The following ADAMTS20 variants were observed in gnomAD, a reference collection of about 807,000 sequenced individuals.
The protein encoded by ADAMTS20 is A disintegrin and metalloproteinase with thrombospondin motifs 20.
Under a neutral mutation model 260.1 loss-of-function variants are expected in ADAMTS20, and 225 were observed. That is an observed-to-expected ratio of 0.87 (90% CI 0.78 to 0.97). The LOEUF (loss-of-function observed/expected upper bound fraction) is 0.97. Ranked by LOEUF, ADAMTS20 falls within the 50% of genes least tolerant of loss-of-function variation. ADAMTS20 has a pLI of 0.00. For missense variants in ADAMTS20, 2,400 were observed against 2,337.7 expected (o/e 1.03, Z -0.55); for synonymous variants, 802 against 769.5 (o/e 1.04, Z -0.70).
chr12:43,463,146 G>T, intron 10 of ADAMTS20, 147 bp from the exon 11 acceptor site: 4 of 461,846 alleles, frequency 8.7e-6, no homozygotes, highest in Non-Finnish European at 1.5e-5. Context: ...TTTTTACTAA[G>T]TTCTAGTCAT....
At chr12:43,432,182 TAA>T in intron 21 of ADAMTS20, 120 bp downstream of exon 21, 1 of 1,133,698 alleles carries the variant, frequency 8.8e-7, no homozygotes, top group Non-Finnish European at 1.2e-6. Flanking sequence ...ACAGCTTTGA[TAA>T]TAGTTATTTA....
At chr12:43,420,771 CTCTTCT>C (rs76391484) in intron 28 of ADAMTS20, among the ~76,000 whole-genome samples, 2 of 142,292 alleles carry the variant, frequency 1.4e-5, no homozygotes, top group East Asian at 2.1e-4. Context: ...CTTCTTCTTC[CTCTTCT>C]TCTTCTTCTC....
intron 28 of ADAMTS20, among the ~76,000 whole-genome samples, chr12:43,408,058 T>G (rs542916732): frequency 6.6e-6 from 1 of 152,184 alleles, no homozygotes; most frequent in African/African-American, 2.4e-5. Flanking sequence ...TAGGGTGACA[T>G]GGAGAAAAAT....
At chr12:43,516,853 G>A (rs1004485665) in intron 3 of ADAMTS20, among the ~76,000 whole-genome samples, 3 of 151,776 alleles carry the variant, frequency 2.0e-5, no homozygotes, top group Non-Finnish European at 4.4e-5. Context: ...AAATTCTAAA[G>A]ATAACATTAT....
chr12:43,399,253 G>A lies in ADAMTS20; in HGVS notation c.4285-20C>T. ...TGAGCACTAGAAAAGAAATATGAAT[G>A]CACTTGATTCATTTTCTTCTTGATT... On this transcript the variant is annotated intron_variant, in intron 28 of 38. Coordinates refer to ENST00000389420, the MANE Select transcript of ADAMTS20 (RefSeq NM_025003.5). 2 of 1,434,842 alleles carry A rather than the reference G, an allele frequency of 1.4e-6. No individual in the cohort carries two copies. The allele number at this position is 1,434,842 out of a possible 1,614,324, so 88.9% of individuals were successfully genotyped here.
At chr12:43,416,923 A>T (rs1017127480) in intron 28 of ADAMTS20, among the ~76,000 whole-genome samples, 13 of 152,144 alleles carry the variant, frequency 8.5e-5, no homozygotes, top group African/African-American at 2.9e-4. Flanking sequence ...ATCAATCCTT[A>T]GACATATACC....
At chr12:43,375,962 A>G (rs1940216494) in intron 35 of ADAMTS20, 95 bp downstream of exon 35, 1 of 889,938 alleles carries the variant, frequency 1.1e-6, no homozygotes, top group African/African-American at 1.7e-5. Context: ...TTTGTCTCAC[A>G]TGTAAGCTAT....
intron 7 of ADAMTS20, among the ~76,000 whole-genome samples, 186 bp from the exon 8 acceptor site, chr12:43,468,891 T>C (rs1001411407): frequency 6.6e-5 from 10 of 152,146 alleles, no homozygotes; most frequent in African/African-American, 2.2e-4. Context: ...GCAGTTGAAA[T>C]CATCTTTGCA....
intron 28 of ADAMTS20, among the ~76,000 whole-genome samples, chr12:43,416,614 C>T (rs1240963400): frequency 6.6e-6 from 1 of 151,630 alleles, no homozygotes; most frequent in African/African-American, 2.4e-5. Flanking sequence ...AGCTCCGCCT[C>T]CCAGGTTCAC....
At chr12:43,433,671 A>G (rs918907900) in intron 19 of ADAMTS20, 1 of 325,306 alleles carries the variant, frequency 3.1e-6, no homozygotes, top group Non-Finnish European at 6.0e-6. Flanking sequence ...TCACTACAAG[A>G]CCAATCACGC....
chr12:43,551,497 C>T lies in ADAMTS20; in HGVS notation c.92-227G>A, dbSNP rs949022510. Among the ~76,000 whole-genome samples the T allele has an allele frequency of 6.6e-6, 1 of 152,138 alleles. No individual in the cohort carries two copies. Among genetic ancestry groups the T allele is most frequent in the African/African-American group, 2.4e-5 (1 of 41,448 alleles). On this transcript the variant is annotated intron_variant, in intron 1 of 38. Coordinates refer to ENST00000389420, the MANE Select transcript of ADAMTS20 (RefSeq NM_025003.5). This position sits in a 1 kb window ranked among gnomAD's most constrained non-coding sequence, Gnocchi z 4.6. ...TTGCCCTACCCTCCCCAAGCAAAGACCCTACCACTAATGGCCCTAAGCAAC... is the reference window on the plus strand; with the variant it reads ...TTGCCCTACCCTCCCCAAGCAAAGATCCTACCACTAATGGCCCTAAGCAAC...
At chr12:43,448,079 C>A (rs1165624960) in intron 14 of ADAMTS20, among the ~76,000 whole-genome samples, 1 of 152,106 alleles carries the variant, frequency 6.6e-6, no homozygotes, top group Admixed American at 6.5e-5. Flanking sequence ...GCAATGTACA[C>A]ATCCAATGCC....
At chr12:43,536,756 T>C (rs965295428) in intron 2 of ADAMTS20, among the ~76,000 whole-genome samples, 1 of 152,214 alleles carries the variant, frequency 6.6e-6, no homozygotes, top group African/African-American at 2.4e-5. Flanking sequence ...GAGTAGCAGA[T>C]GACATCAGAC....
chr12:43,354,748 C>G (rs1195959152), intron 38 of ADAMTS20, among the ~76,000 whole-genome samples: 1 of 152,130 alleles, frequency 6.6e-6, no homozygotes, highest in African/African-American at 2.4e-5. Context: ...AATTCATTTT[C>G]TATCCCATTT....
intron 3 of ADAMTS20, among the ~76,000 whole-genome samples, chr12:43,516,951 T>C (rs1484882558): frequency 6.6e-6 from 1 of 152,062 alleles, no homozygotes; most frequent in Non-Finnish European, 1.5e-5. Context: ...AGGAAATATG[T>C]ATATTTATAT....
intron 31 of ADAMTS20, among the ~76,000 whole-genome samples, chr12:43,379,035 G>A: frequency 6.6e-6 from 1 of 152,178 alleles, no homozygotes; most frequent in African/African-American, 2.4e-5. Context: ...ACAGCCCTGT[G>A]ATTATGGTGA....
rs368087074 is a variant in ADAMTS20 at position 43,376,047 on chromosome 12, C to G, written c.5312+10G>C. The G allele has an allele frequency of 8.9e-5, 141 of 1,589,932 alleles. No individual in the cohort carries two copies. The highest frequency in any genetic ancestry group is 1.2e-4 in the Non-Finnish European group (137 of 1,169,592). On this transcript the variant is annotated intron_variant, in intron 35 of 38. Coordinates refer to ENST00000389420, the MANE Select transcript of ADAMTS20 (RefSeq NM_025003.5). ...GAAAATGCTCAGATAGACCAAAACA[C>G]ATCTCGTACCTAAAGCCATACACTT...
chr12:43,365,385 T>C (rs1311415224), intron 37 of ADAMTS20, among the ~76,000 whole-genome samples: 2 of 152,084 alleles, frequency 1.3e-5, no homozygotes, highest in East Asian at 3.8e-4. Flanking sequence ...TCTCTTCACT[T>C]TTCTTATTTT....
chr12:43,427,247 T>G, intron 27 of ADAMTS20, 61 bp downstream of exon 27: 1 of 1,558,000 alleles, frequency 6.4e-7, no homozygotes, highest in Non-Finnish European at 8.7e-7. Flanking sequence ...ATAAGATGCT[T>G]TTTACTTTCA....
Sources: gnomAD v4.1 joint callset for allele counts (sites outside exome capture counted in the v4.1 genomes callset) on GRCh38, gnomAD v4.1.1 for gene constraint, Gnocchi (gnomAD v3.1) non-coding constraint, MANE v1.5 for transcripts, NCBI Gene and HGNC (gene_info 2026-07-23, HGNC 2026-07-21) for gene names.